ZSWIM9: variants seen among roughly 807,000 people sequenced by gnomAD.
ZSWIM9 encodes zinc finger SWIM-type containing 9.
Under a neutral mutation model 25.0 loss-of-function variants are expected in ZSWIM9, and 11 were observed. That is an observed-to-expected ratio of 0.44 (90% CI 0.28 to 0.73). ZSWIM9 has a LOEUF of 0.73. Ranked by LOEUF, ZSWIM9 falls within the 30% of genes least tolerant of loss-of-function variation. The pLI, the probability that ZSWIM9 is intolerant of heterozygous loss-of-function variation, is 0.16. For missense variants in ZSWIM9, 1,070 were observed against 1,296.5 expected (o/e 0.83, Z 2.68); for synonymous variants, 562 against 582.1 (o/e 0.97, Z 0.50).
chr19:48,170,721 G>C lies in ZSWIM9; in HGVS notation c.-10+7G>C, dbSNP rs1244656772. 2 of 219,882 alleles carry C rather than the reference G, an allele frequency of 9.1e-6. No individual in the cohort carries two copies. The highest frequency in any genetic ancestry group is 4.8e-5 in the African/African-American group (2 of 41,508). The allele number at this position is 219,882 out of a possible 1,614,324, so 13.6% of individuals were successfully genotyped here. ...GCCGCTCCGGGGCGGGTAGGTGAGT[G>C]GGGAGGGGCGGGAAGGGTGCACATC... On this transcript the variant is annotated splice_region_variant and intron_variant, in intron 1 of 3. Transcript: ENST00000614654.
Position 48,195,747 on chromosome 19 carries a change from G to A in ZSWIM9, c.1683G>A (p.Gly561=). The A allele has an allele frequency of 2.7e-6, 4 of 1,484,416 alleles. No individual in the cohort carries two copies. The highest frequency in any genetic ancestry group is 1.3e-5 in the South Asian group (1 of 75,460). The allele number at this position is 1,484,416 out of a possible 1,614,324, so 92.0% of individuals were successfully genotyped here. ...GGCCAGAGATTAGAGACTGGAGGGG[G>A]CCCCAGTTGGAGGGTGAGAAAGATT... is the stretch of plus-strand genomic sequence containing the variant. ...LRGPEIRDWR[G]PQLEGEKDWG... is the part of the protein sequence containing the mutation. The change falls in exon 4 of 4, where the codon GGG becomes GGA. Residue 561 remains glycine, a synonymous_variant. Transcript: ENST00000614654. This position sits in a 1 kb window ranked among gnomAD's most constrained non-coding sequence, Gnocchi z 5.8.
intron 3 of ZSWIM9, among the ~76,000 whole-genome samples, chr19:48,190,271 C>G (rs570476186): frequency 6.6e-6 from 1 of 152,028 alleles, no homozygotes; most frequent in South Asian, 2.1e-4. Context: ...TTTCTCTCCT[C>G]AAAGGAAAAA....
chr19:48,193,927 T>G (rs899647541), intron 3 of ZSWIM9, among the ~76,000 whole-genome samples: 5 of 152,162 alleles, frequency 3.3e-5, no homozygotes, highest in Non-Finnish European at 5.9e-5. Flanking sequence ...CCAGGGATCT[T>G]GGCCTCAGAG....
Position 48,197,296 on chromosome 19 carries a change from G to A in ZSWIM9, c.*469G>A, listed in dbSNP as rs2037180418. On this transcript the variant is annotated 3_prime_UTR_variant, in exon 4 of 4. Transcript: ENST00000614654. Reference sequence around the variant, plus strand: ...TAAGCGAGAAAAAATGGAAAGGGGAGCCGGAAATGGAGGAGAGAGGACAAG... The same window carrying A: ...TAAGCGAGAAAAAATGGAAAGGGGAACCGGAAATGGAGGAGAGAGGACAAG... 1 of 702,574 alleles carries A rather than the reference G, an allele frequency of 1.4e-6. No homozygotes were observed. The highest frequency in any genetic ancestry group is 2.7e-5 in the East Asian group (1 of 37,244). The allele number at this position is 702,574 out of a possible 1,614,324, so 43.5% of individuals were successfully genotyped here. A position where few individuals can be genotyped will look rare whatever the true frequency, so the allele number is the denominator to read the frequency against.
At chr19:48,171,286 G>A in intron 1 of ZSWIM9, 1 of 985,420 alleles carries the variant, frequency 1.0e-6, no homozygotes, top group Non-Finnish European at 1.2e-6. Flanking sequence ...CCGTGGCCTG[G>A]ATGTGGGAGC....
chr19:48,189,030 CA>C (rs1025090651), intron 3 of ZSWIM9, among the ~76,000 whole-genome samples: 4 of 148,924 alleles, frequency 2.7e-5, no homozygotes, highest in Non-Finnish European at 6.0e-5. Flanking sequence ...GACTCCATCT[CA>C]AAAAAAAAGA....
chr19:48,191,088 GTGTA>G (rs762179759), intron 3 of ZSWIM9, among the ~76,000 whole-genome samples: 5,052 of 107,672 alleles, frequency 0.047, 127 homozygotes, highest in African/African-American at 0.087. Context: ...CAGTGTGTAT[GTGTA>G]TGTGTGTGTG....
chr19:48,193,430 C>G (rs1459065667), intron 3 of ZSWIM9, among the ~76,000 whole-genome samples: 2 of 152,134 alleles, frequency 1.3e-5, no homozygotes, highest in African/African-American at 4.8e-5. Context: ...GCCAAGGCTA[C>G]AGTTTATTAC....
Position 48,195,696 on chromosome 19 carries a change from G to C in ZSWIM9, c.1632G>C (p.Ser544=), listed in dbSNP as rs1199408046. Residue 544 remains serine (S), a synonymous_variant, in exon 4 of 4, where the codon TCG becomes TCC. Coordinates refer to ENST00000614654, the MANE Select transcript of ZSWIM9 (RefSeq NM_199341.4). This position sits in a 1 kb window ranked among gnomAD's most constrained non-coding sequence, Gnocchi z 5.8. The stretch of plus-strand genomic sequence containing the variant: ...TGGAAGGGGGTGTCTTGAGAGGGTC[G>C]AAGTTAGAGAAAGGGCACCTGAGAG... ...RGLEGGVLRG[S]KLEKGHLRGP... The C allele has an allele frequency of 1.4e-6, 2 of 1,460,954 alleles. No homozygotes were observed. The highest frequency in any genetic ancestry group is 1.8e-6 in the Non-Finnish European group (2 of 1,113,904). 90.5% of individuals were successfully genotyped at this position (1,460,954 alleles called of 1,614,324 possible). A position where few individuals can be genotyped will look rare whatever the true frequency, so the allele number is the denominator to read the frequency against.
At position 48,195,152 on chromosome 19, in the gene ZSWIM9, C is replaced by T; in HGVS notation, c.1088C>T (p.Ala363Val). 1 of 1,513,574 alleles carries T rather than the reference C, an allele frequency of 6.6e-7. No homozygotes were observed. Among genetic ancestry groups the T allele is most frequent in the East Asian group, 2.6e-5 (1 of 38,460 alleles). 93.8% of individuals were successfully genotyped at this position (1,513,574 alleles called of 1,614,324 possible). A position where few individuals can be genotyped will look rare whatever the true frequency, so the allele number is the denominator to read the frequency against. Residue 363 changes from alanine (A) to valine (V), a missense_variant, in exon 4 of 4, where the codon GCC becomes GTC. Transcript: ENST00000614654. The surrounding 1 kb of genome is among the most constrained non-coding windows in gnomAD (Gnocchi z 5.8). ...CCCGCAGCCTACGACGAGGCGCTGG[C>T]CGAGCTCCACGCCCACGGCCCAGCC... ...SSPAAYDEAL[A>V]ELHAHGPAAF... is the part of the protein sequence containing the mutation.
chr19:48,172,132 G>A, intron 2 of ZSWIM9, 55 bp downstream of exon 2: 1 of 1,110,906 alleles, frequency 9.0e-7, no homozygotes, highest in Non-Finnish European at 1.3e-6. Flanking sequence ...CCGGGGGTGG[G>A]TGTGGGTGGG....
chr19:48,187,796 T>C, intron 3 of ZSWIM9: 1 of 146,514 alleles, frequency 6.8e-6, no homozygotes, highest in Middle Eastern at 1.0e-3. Context: ...AAAAAAAAAA[T>C]TAGGCATGGT....
At chr19:48,172,976 C>T (rs553640246) in intron 2 of ZSWIM9, among the ~76,000 whole-genome samples, 32 of 152,042 alleles carry the variant, frequency 2.1e-4, no homozygotes, top group Non-Finnish European at 4.4e-4. Context: ...GTACACGTGA[C>T]AAAGACTGGG....
intron 2 of ZSWIM9, among the ~76,000 whole-genome samples, chr19:48,179,642 G>A (rs1599924388): frequency 6.6e-6 from 1 of 152,170 alleles, no homozygotes; most frequent in African/African-American, 2.4e-5. Context: ...AGCATCATTC[G>A]TAACAGAGGA....
chr19:48,173,916 C>T (rs888823426), intron 2 of ZSWIM9, among the ~76,000 whole-genome samples: 26 of 152,324 alleles, frequency 1.7e-4, no homozygotes, highest in African/African-American at 6.0e-4. Flanking sequence ...GTGTGAGCCA[C>T]GGTGCCTGGT....
chr19:48,177,176 T>G (rs1030611689), intron 2 of ZSWIM9, among the ~76,000 whole-genome samples: 1 of 152,094 alleles, frequency 6.6e-6, no homozygotes, highest in African/African-American at 2.4e-5. Flanking sequence ...ATGCTGGCTG[T>G]GAGGCCTGAA....
intron 3 of ZSWIM9, among the ~76,000 whole-genome samples, chr19:48,188,570 T>G (rs1020764469): frequency 6.6e-6 from 1 of 152,116 alleles, no homozygotes. Flanking sequence ...ATGATGGGCT[T>G]TGGGGTCCAG....
Position 48,196,330 on chromosome 19 carries a change from G to C in ZSWIM9, c.2266G>C (p.Gly756Arg). The C allele has an allele frequency of 5.7e-6, 7 of 1,233,540 alleles. No individual in the cohort carries two copies. Among genetic ancestry groups the C allele is most frequent in the Non-Finnish European group, 6.1e-6 (6 of 989,018 alleles). 76.4% of individuals were successfully genotyped at this position (1,233,540 alleles called of 1,614,324 possible). The change falls in exon 4 of 4, where the codon GGG (glycine) becomes CGG (arginine). Residue 756 changes from glycine to arginine, a missense_variant. Gly to Arg is a moderately radical substitution (Grantham distance 125). Around this residue, in one of 4 missense-constraint regions of ZSWIM9, gnomAD observed 583 missense variants for 624.7 expected, o/e 0.93. Coordinates refer to ENST00000614654, the MANE Select transcript of ZSWIM9 (RefSeq NM_199341.4). ...GRGMEWGDAG[G>R]RCLGLGNGVV... ...AGGGATGGAGTGGGGAGACGCAGGA[G>C]GGCGGTGTCTAGGGCTGGGGAATGG... is the stretch of plus-strand genomic sequence containing the variant.
intron 3 of ZSWIM9, among the ~76,000 whole-genome samples, chr19:48,183,835 G>T (rs924162583): frequency 1.3e-5 from 2 of 150,904 alleles, no homozygotes; most frequent in Non-Finnish European, 3.0e-5. Flanking sequence ...GTTTGGCGGG[G>T]GGGGGTCTCC....
Sources: gnomAD v4.1 joint callset for allele counts (sites outside exome capture counted in the v4.1 genomes callset) on GRCh38, gnomAD v4.1.1 for gene constraint, gnomAD v4.1.1 regional missense constraint, Gnocchi (gnomAD v3.1) non-coding constraint, MANE v1.5 for transcripts, NCBI Gene and HGNC (gene_info 2026-07-23, HGNC 2026-07-21) for gene names.